Variants in ADCY10 observed in about 807,000 individuals in gnomAD.
ADCY10 encodes adenylate cyclase 10.
Under a neutral mutation model 183.3 loss-of-function variants are expected in ADCY10, and 156 were observed. The ratio of observed to expected loss-of-function variants is 0.85; its 90% CI spans 0.75 to 0.97. The LOEUF is 0.97. Ranked by LOEUF, ADCY10 falls within the 50% of genes least tolerant of loss-of-function variation. The pLI, the probability that ADCY10 is intolerant of heterozygous loss-of-function variation, is 0.00. For synonymous variants in ADCY10, 645 were observed against 670.0 expected (o/e 0.96, Z 0.58); for missense variants, 1,745 against 1,934.3 (o/e 0.90, Z 1.84).
chr1:167,858,548 G>T (rs561914397), intron 16 of ADCY10, among the ~76,000 whole-genome samples: 22 of 148,790 alleles, frequency 1.5e-4, no homozygotes, highest in African/African-American at 5.4e-4. Context: ...CTGAGGGAGA[G>T]AGAAACAGAT....
At chr1:167,881,604 A>T (rs902994419) in intron 9 of ADCY10, among the ~76,000 whole-genome samples, 3 of 152,236 alleles carry the variant, frequency 2.0e-5, no homozygotes, top group Admixed American at 6.5e-5. Context: ...TAGCAATGGA[A>T]TGACAGCTCT....
At chr1:167,881,648 A>G (rs1261139513) in intron 9 of ADCY10, among the ~76,000 whole-genome samples, 2 of 152,240 alleles carry the variant, frequency 1.3e-5, no homozygotes, top group African/African-American at 2.4e-5. Flanking sequence ...GATAGGCATT[A>G]CACCAAGTGC....
chr1:167,875,044 T>G (rs1480813840), intron 13 of ADCY10, 87 bp downstream of exon 13: 5 of 1,089,448 alleles, frequency 4.6e-6, no homozygotes, highest in Non-Finnish European at 7.1e-6. Context: ...GATAATTCAT[T>G]AAGCTGCACA....
chr1:167,845,365 G>T, intron 21 of ADCY10, 198 bp downstream of exon 21: 1 of 613,244 alleles, frequency 1.6e-6, no homozygotes. Flanking sequence ...TAGTGAGATT[G>T]GTTCGCTAGA....
intron 23 of ADCY10, chr1:167,834,583 C>A (rs1459735446): frequency 4.7e-6 from 1 of 213,744 alleles, no homozygotes; most frequent in Non-Finnish European, 9.6e-6. Flanking sequence ...CTCATCACTT[C>A]AGCTTCACCT....
chr1:167,859,197 G>A lies in ADCY10; in HGVS notation c.1896+610C>T, dbSNP rs539024631. ...ATATATACAAGGCTCTTAGGAATATGGTTTTGGTGTTTATAAGAGAGGTGG... is the reference window on the plus strand; with the variant it reads ...ATATATACAAGGCTCTTAGGAATATAGTTTTGGTGTTTATAAGAGAGGTGG... On this transcript the variant is annotated intron_variant, in intron 16 of 32. Transcript: ENST00000367851. 2.5e-4 allele frequency among the ~76,000 whole-genome samples: 38 copies of A among 152,258 alleles called. 1 individual carries two copies. In the South Asian group the frequency reaches 7.7e-3, roughly 31 times the overall value.
intron 8 of ADCY10, among the ~76,000 whole-genome samples, chr1:167,893,150 C>T (rs1198186494): frequency 1.3e-5 from 2 of 152,166 alleles, no homozygotes; most frequent in African/African-American, 4.8e-5. Context: ...TAATTACCTG[C>T]ATTGTTAAAT....
At chr1:167,833,517 G>A (rs188473304) in intron 24 of ADCY10, among the ~76,000 whole-genome samples, 4 of 152,192 alleles carry the variant, frequency 2.6e-5, no homozygotes, top group East Asian at 1.9e-4. Flanking sequence ...AGGTCAGGGC[G>A]GGCGGATCAC....
At chr1:167,861,393 T>C (rs1443433160) in intron 14 of ADCY10, among the ~76,000 whole-genome samples, 1 of 152,192 alleles carries the variant, frequency 6.6e-6, no homozygotes, top group Non-Finnish European at 1.5e-5. Context: ...CAGGCCTCCT[T>C]TATGTGACAC....
intron 31 of ADCY10, among the ~76,000 whole-genome samples, chr1:167,812,609 CA>C (rs1347688559): frequency 6.6e-6 from 1 of 152,072 alleles, no homozygotes; most frequent in Non-Finnish European, 1.5e-5. Flanking sequence ...AACAAAAAGG[CA>C]TACCAAGAAA....
rs751558916 is a variant in ADCY10, at chr1:167,824,815, AGGT to A, written c.3788_3790del (p.His1263del). 11 of 1,614,120 alleles carry A rather than the reference AGGT, an allele frequency of 6.8e-6. No individual in the cohort carries two copies. Among genetic ancestry groups the A allele is most frequent in the Non-Finnish European group, 9.3e-6 (11 of 1,180,056 alleles). ...GAACCACACACCTTTGTAGCCAGCC[AGGT>A]GGTGGTATAGCGAATAGTCTAGGTA... On this transcript the variant is annotated inframe_deletion, in exon 27 of 33. Coordinates refer to ENST00000367851, the MANE Select transcript of ADCY10 (RefSeq NM_018417.6).
At chr1:167,858,061 C>T (rs562002087) in intron 16 of ADCY10, among the ~76,000 whole-genome samples, 28 of 152,164 alleles carry the variant, frequency 1.8e-4, no homozygotes, top group African/African-American at 6.5e-4. Flanking sequence ...ATTGTCTTGC[C>T]TATGACCTGA....
rs1571462497 is a variant in ADCY10, at chr1:167,903,959, C to T, written c.181G>A (p.Ala61Thr). 2 of 1,613,902 alleles carry T rather than the reference C, an allele frequency of 1.2e-6. No homozygotes were observed. Among genetic ancestry groups the T allele is most frequent in the East Asian group, 4.5e-5 (2 of 44,878 alleles). The part of the protein sequence containing the change: ...FTAMTEKFSS[A>T]MYMDRGAEQL... ...TCAGCCCCTCTGTCCATGTACATGG[C>T]ACTGCTGAACTTCTCAGTCATTGCA... The change falls in exon 3 of 33, where the codon GCC (alanine) becomes ACC (threonine). Residue 61 changes from alanine to threonine, a missense_variant. Coordinates refer to ENST00000367851, the MANE Select transcript of ADCY10 (RefSeq NM_018417.6).
At chr1:167,838,977 C>T (rs1664428581) in intron 21 of ADCY10, among the ~76,000 whole-genome samples, 1 of 152,218 alleles carries the variant, frequency 6.6e-6, no homozygotes, top group Admixed American at 6.5e-5. Context: ...GTCCCGTTGA[C>T]CATACCCAAA....
At chr1:167,887,796 G>C (rs1668331360) in intron 8 of ADCY10, among the ~76,000 whole-genome samples, 1 of 150,172 alleles carries the variant, frequency 6.7e-6, no homozygotes, top group South Asian at 2.1e-4. Context: ...AAAAACACTT[G>C]ATGTTATCCC....
rs746404229 is a variant in ADCY10, at chr1:167,836,533, C to CT, written c.3084dup (p.Glu1029ArgfsTer11). 3.1e-6 allele frequency: 5 copies of CT among 1,590,872 alleles called. No individual in the cohort carries two copies. In the South Asian group the frequency reaches 5.5e-5, roughly 18 times the overall value. On this transcript the variant is annotated frameshift_variant, in exon 23 of 33. Coordinates refer to ENST00000367851, the MANE Select transcript of ADCY10 (RefSeq NM_018417.6). LOFTEE classifies it high-confidence loss of function. ...AAATTCAAGATCTTTTCTCTTATTT[C>CT]TTCAGGACTGTCCATATGCAGAAAT...
At chr1:167,904,571 A>G in intron 2 of ADCY10, 1 of 400,930 alleles carries the variant, frequency 2.5e-6, no homozygotes, top group Non-Finnish European at 4.4e-6. Context: ...TAAAATTTTC[A>G]TTCCGTGGTA....
intron 15 of ADCY10, among the ~76,000 whole-genome samples, chr1:167,860,160 T>C (rs531886765): frequency 6.6e-6 from 1 of 152,310 alleles, no homozygotes; most frequent in Non-Finnish European, 1.5e-5. Flanking sequence ...TAATATATAA[T>C]GAAATAATTA....
At position 167,829,358 on chromosome 1, in the gene ADCY10, C is replaced by A. The variant is rs1430574167; in HGVS notation, c.3659G>T (p.Ser1220Ile). The A allele has an allele frequency of 6.2e-7, 1 of 1,614,048 alleles. No individual in the cohort carries two copies. Among genetic ancestry groups the A allele is most frequent in the African/African-American group, 1.3e-5 (1 of 74,932 alleles). Residue 1220 changes from serine (S) to isoleucine (I), a missense_variant, in exon 26 of 33, where the codon AGC becomes ATC. Transcript: ENST00000367851. ...VCLSLLWRIY[S>I]YSYLFHCKYY... is the part of the protein sequence containing the mutation. Reference sequence around the variant, plus strand: ...CTTGCAGTGAAAAAGATAACTGTAGCTATAGATGCGCCACAGCAAGGAAAG... The same window carrying A: ...CTTGCAGTGAAAAAGATAACTGTAGATATAGATGCGCCACAGCAAGGAAAG...
Sources: gnomAD v4.1 joint callset for allele counts (sites outside exome capture counted in the v4.1 genomes callset) on GRCh38, gnomAD v4.1.1 for gene constraint, MANE v1.5 for transcripts, NCBI Gene and HGNC (gene_info 2026-07-23, HGNC 2026-07-21) for gene names.